The following CTNNA3 variants were observed in gnomAD, a reference collection of about 807,000 sequenced individuals.
CTNNA3 encodes the protein catenin alpha 3, also known as catenin alpha-3.
A neutral mutation model predicts 95.7 loss-of-function variants in CTNNA3; 76 were observed. The observed-to-expected ratio is 0.79, with a 90% confidence interval of 0.66 to 0.96. The LOEUF (loss-of-function observed/expected upper bound fraction) is 0.96. CTNNA3 is among the 40% of genes least tolerant of loss of function. The pLI is 0.00. For synonymous variants in CTNNA3, 431 were observed against 374.4 expected, an observed-to-expected ratio of 1.15 and a Z score of -1.74; for missense variants, 1,191 against 1,089.8, an observed-to-expected ratio of 1.09 and a Z score of -1.31.
intron 13 of CTNNA3, among the ~76,000 whole-genome samples, chr10:66,189,707 A>G (rs1173852737): frequency 6.6e-6 from 1 of 150,732 alleles, no homozygotes. Context: ...ACATAGTAGG[A>G]AAAATAATTA....
chr10:67,548,152 A>T (rs1302287311), intron 3 of CTNNA3, among the ~76,000 whole-genome samples: 4 of 152,096 alleles, frequency 2.6e-5, no homozygotes, highest in Non-Finnish European at 5.9e-5. Flanking sequence ...CTCAGTTCCC[A>T]TGAGATCTAG....
At chr10:66,512,956 A>G (rs2131997468) in intron 11 of CTNNA3, among the ~76,000 whole-genome samples, 1 of 151,910 alleles carries the variant, frequency 6.6e-6, no homozygotes. Context: ...CTTTACTTTG[A>G]CAATTTGACT....
At chr10:67,232,342 G>C (rs1169417259) in intron 5 of CTNNA3, among the ~76,000 whole-genome samples, 3 of 152,142 alleles carry the variant, frequency 2.0e-5, no homozygotes, top group African/African-American at 4.8e-5. Context: ...CCAGAAGAGA[G>C]TGGGGGCCAA....
At chr10:67,457,695 G>A (rs1228445464) in intron 5 of CTNNA3, among the ~76,000 whole-genome samples, 2 of 152,078 alleles carry the variant, frequency 1.3e-5, no homozygotes, top group African/African-American at 2.4e-5. Context: ...GGAGGCTTTA[G>A]GGAAGAATCT....
At chr10:66,978,552 A>ATATATATAT (rs1197845049) in intron 7 of CTNNA3, among the ~76,000 whole-genome samples, 16 of 37,872 alleles carry the variant, frequency 4.2e-4, no homozygotes, top group African/African-American at 8.7e-4. Context: ...AAAAAAAAAA[A>ATATATATAT]ATATATATAT....
intron 9 of CTNNA3, among the ~76,000 whole-genome samples, chr10:66,750,594 C>T (rs932485903): frequency 1.3e-5 from 2 of 152,092 alleles, no homozygotes; most frequent in Non-Finnish European, 2.9e-5. Flanking sequence ...GTTCAAATAC[C>T]ATACTGGTTC....
chr10:67,582,147 A>G (rs901646061), intron 3 of CTNNA3, among the ~76,000 whole-genome samples: 2 of 139,542 alleles, frequency 1.4e-5, no homozygotes, highest in Non-Finnish European at 3.1e-5. Context: ...TTTAATTGTG[A>G]TGTTAGGGTG....
chr10:67,135,316 C>T (rs1399657081), intron 7 of CTNNA3, among the ~76,000 whole-genome samples: 3 of 152,158 alleles, frequency 2.0e-5, no homozygotes, highest in South Asian at 4.2e-4. Flanking sequence ...GCATAATCCC[C>T]GCTTCACAAT....
chr10:66,775,748 G>A (rs929676029), intron 7 of CTNNA3, among the ~76,000 whole-genome samples: 4 of 152,126 alleles, frequency 2.6e-5, no homozygotes, highest in Admixed American at 6.6e-5. Flanking sequence ...TTCCGATACG[G>A]AGTTAGGTTG....
chr10:66,254,836 C>A (rs922007996), intron 13 of CTNNA3, among the ~76,000 whole-genome samples: 1 of 152,182 alleles, frequency 6.6e-6, no homozygotes, highest in Admixed American at 6.5e-5. Flanking sequence ...TCTGTCTCTG[C>A]CCTTGGGGCC....
chr10:67,304,814 C>A (rs1345305641), intron 5 of CTNNA3, among the ~76,000 whole-genome samples: 3 of 151,928 alleles, frequency 2.0e-5, no homozygotes, highest in Non-Finnish European at 4.4e-5. Flanking sequence ...AGGTACAAAG[C>A]AGGTTATGTA....
intron 5 of CTNNA3, among the ~76,000 whole-genome samples, chr10:67,305,087 T>G (rs1408363185): frequency 2.0e-5 from 3 of 152,018 alleles, no homozygotes; most frequent in African/African-American, 4.8e-5. Context: ...CCATCCTTGC[T>G]AACACAGTGA....
chr10:65,938,659 A>G (rs779111067), intron 17 of CTNNA3, among the ~76,000 whole-genome samples: 7 of 152,124 alleles, frequency 4.6e-5, no homozygotes, highest in Non-Finnish European at 1.0e-4. Context: ...TTTGAGTTCT[A>G]TCTCACTCCA....
At chr10:67,233,397 GC>G (rs1865312997) in intron 5 of CTNNA3, among the ~76,000 whole-genome samples, 1 of 149,870 alleles carries the variant, frequency 6.7e-6, no homozygotes, top group Admixed American at 6.7e-5. Context: ...TGAACAACCT[GC>G]TCCTGAATGA....
chr10:66,453,750 TG>T (rs1336434897), intron 11 of CTNNA3, among the ~76,000 whole-genome samples: 1 of 152,220 alleles, frequency 6.6e-6, no homozygotes, highest in Non-Finnish European at 1.5e-5. Flanking sequence ...AATTATCAAC[TG>T]AACTTAAGCA....
In CTNNA3 at chr10:66,103,174, C is replaced by A. The variant is rs758246563; in HGVS notation, c.1960G>T (p.Glu654Ter). Residue 654 changes from glutamate to a stop codon, truncating the protein, a stop_gained, in exon 14 of 18, where the codon GAA becomes TAA. Coordinates refer to ENST00000433211, the MANE Select transcript of CTNNA3 (RefSeq NM_013266.4). LOFTEE classifies it high-confidence loss of function. ...EVRSHTSIQT[E>*]GKTDRAKMTQ... ...TGACATACCCTATCAGTTTTCCCTT[C>A]GGTCTGAATGCTGGTGTGACTGCGG... 3 of 1,613,840 alleles carry A rather than the reference C, an allele frequency of 1.9e-6. No individual in the cohort carries two copies. Among genetic ancestry groups the A allele is most frequent in the Non-Finnish European group, 2.5e-6 (3 of 1,179,754 alleles).
intron 5 of CTNNA3, among the ~76,000 whole-genome samples, chr10:67,431,267 A>T (rs991250788): frequency 6.6e-6 from 1 of 152,002 alleles, no homozygotes; most frequent in Non-Finnish European, 1.5e-5. Flanking sequence ...ATTCCCTAGG[A>T]ACTCTAAACT....
At chr10:67,729,102 T>G (rs1841260702) in intron 1 of CTNNA3, among the ~76,000 whole-genome samples, 1 of 152,182 alleles carries the variant, frequency 6.6e-6, no homozygotes, top group Admixed American at 6.5e-5. Context: ...TATTAAATGT[T>G]AAGAAGAGTT....
intron 15 of CTNNA3, among the ~76,000 whole-genome samples, chr10:65,991,291 T>C (rs1460409276): frequency 6.6e-6 from 1 of 152,140 alleles, no homozygotes; most frequent in African/African-American, 2.4e-5. Flanking sequence ...TTCTTCTGTT[T>C]CTGTGAAGAA....
Sources: allele counts gnomAD v4.1 joint callset (sites outside exome capture counted in the v4.1 genomes callset), GRCh38; gene constraint gnomAD v4.1.1; transcripts MANE v1.5; gene names NCBI Gene and HGNC (gene_info 2026-07-23, HGNC 2026-07-21).